Variants in EFCAB8 observed in about 807,000 individuals in gnomAD.
EFCAB8 encodes the protein EF-hand calcium-binding domain-containing protein 8.
A neutral mutation model predicts 116.3 loss-of-function variants in EFCAB8; 100 were observed. The ratio of observed to expected loss-of-function variants is 0.86; its 90% CI spans 0.73 to 1.02. The LOEUF is 1.02. Ranked by LOEUF, EFCAB8 falls within the 50% of genes least tolerant of loss-of-function variation. The pLI, the probability that EFCAB8 is intolerant of heterozygous loss-of-function variation, is 0.00. For synonymous variants in EFCAB8, 558 were observed against 567.9 expected, an observed-to-expected ratio of 0.98 and a Z score of 0.25; for missense variants, 1,320 against 1,416.9, an observed-to-expected ratio of 0.93 and a Z score of 1.10.
At chr20:32,927,070 T>C (rs1279823593) in intron 20 of EFCAB8, among the ~76,000 whole-genome samples, 1 of 152,194 alleles carries the variant, frequency 6.6e-6, no homozygotes, top group Non-Finnish European at 1.5e-5. Context: ...CTAGGTTTTT[T>C]GGAGCCTAAA....
chr20:32,903,369 T>A (rs904722412), intron 11 of EFCAB8: 25 of 152,466 alleles, frequency 1.6e-4, no homozygotes, highest in African/African-American at 5.8e-4. Flanking sequence ...AGCCATGTGC[T>A]TATGTCCCTT....
chr20:32,955,512 C>T (rs1988938423), intron 23 of EFCAB8, among the ~76,000 whole-genome samples: 1 of 152,092 alleles, frequency 6.6e-6, no homozygotes, highest in East Asian at 1.9e-4. Context: ...TGTACTCCAG[C>T]TTGGGGAACA....
At position 32,918,549 on chromosome 20, in the gene EFCAB8, A is replaced by G; in HGVS notation, c.2249A>G (p.Glu750Gly). The G allele has an allele frequency of 6.4e-7, 1 of 1,551,634 alleles. No homozygotes were observed. Among genetic ancestry groups the G allele is most frequent in the Non-Finnish European group, 8.7e-7 (1 of 1,146,972 alleles). The change falls in exon 19 of 27, where the codon GAG becomes GGG. Residue 750 changes from glutamate (E) to glycine (G), a missense_variant. Physicochemically the swap from Glu to Gly is moderately conservative, Grantham distance 98. Coordinates refer to ENST00000400522, the MANE Select transcript of EFCAB8 (RefSeq NM_001143967.2). ...GTGATGCGGTGCCCGAGAGACAAGG[A>G]GCCAGACAGGCCTGTGCCCCAGCAG... is the stretch of plus-strand genomic sequence containing the variant. ...PPVMRCPRDK[E>G]PDRPVPQQKP...
chr20:32,864,555 T>G (rs562576660), intron 2 of EFCAB8, among the ~76,000 whole-genome samples: 338 of 152,248 alleles, frequency 2.2e-3, no homozygotes, highest in Non-Finnish European at 3.9e-3. Context: ...GCACTTATCC[T>G]GGGCAACAGA....
chr20:32,932,781 T>A (rs1421676327), intron 22 of EFCAB8, among the ~76,000 whole-genome samples: 3 of 152,260 alleles, frequency 2.0e-5, no homozygotes, highest in Admixed American at 2.0e-4. Context: ...AAGGCATTTC[T>A]GTAGGAGATG....
In EFCAB8 at chr20:32,931,290, A is replaced by G. The variant is rs1455196999; in HGVS notation, c.2744A>G (p.Gln915Arg). The part of the protein sequence containing the change: ...HNKFRLLIPQ[Q>R]LGTNFPHYIP... ...AAGTTCCGGTTGTTAATTCCTCAGC[A>G]ACTTGGGACCAACTTCCCACACTAC... is the stretch of plus-strand genomic sequence containing the variant. The change falls in exon 22 of 27, where the codon CAA (glutamine) becomes CGA (arginine). Residue 915 changes from glutamine to arginine, a missense_variant. By Grantham distance (43) the Gln-to-Arg change is conservative (BLOSUM62 1). Transcript: ENST00000400522. 1 of 1,551,558 alleles carries G rather than the reference A, an allele frequency of 6.4e-7. No homozygotes were observed. The highest frequency in any genetic ancestry group is 2.0e-5 in the Admixed American group (1 of 50,974).
chr20:32,922,815 C>CTCTCTCTCTCTCTGTA (rs1987514249), intron 20 of EFCAB8, among the ~76,000 whole-genome samples: 1 of 151,092 alleles, frequency 6.6e-6, no homozygotes, highest in Non-Finnish European at 1.5e-5. Flanking sequence ...ATGAGTACTT[C>CTCTCTCTCTCTCTGTA]TCTCTCTCTC....
intron 1 of EFCAB8, among the ~76,000 whole-genome samples, chr20:32,862,020 G>T (rs562993249): frequency 1.3e-5 from 2 of 151,974 alleles, no homozygotes; most frequent in Non-Finnish European, 2.9e-5. Flanking sequence ...ACTTTGTAGC[G>T]TCCCATTCTC....
At chr20:32,922,600 G>A (rs891804749) in intron 20 of EFCAB8, among the ~76,000 whole-genome samples, 1 of 152,198 alleles carries the variant, frequency 6.6e-6, no homozygotes, top group East Asian at 1.9e-4. Flanking sequence ...CGGGAAGATG[G>A]CAGGGAGAAC....
At chr20:32,942,016 G>T (rs1005126733) in intron 22 of EFCAB8, among the ~76,000 whole-genome samples, 3 of 151,972 alleles carry the variant, frequency 2.0e-5, no homozygotes, top group African/African-American at 7.3e-5. Flanking sequence ...TCACTTTAAG[G>T]CCTTTAATGT....
chr20:32,916,894 G>T, intron 17 of EFCAB8, among the ~76,000 whole-genome samples: 1 of 152,136 alleles, frequency 6.6e-6, no homozygotes, highest in East Asian at 1.9e-4. Context: ...AATCTGAAGC[G>T]TGAGAAGGAA....
At chr20:32,946,076 G>A (rs1988587411) in intron 23 of EFCAB8, among the ~76,000 whole-genome samples, 1 of 152,210 alleles carries the variant, frequency 6.6e-6, no homozygotes, top group African/African-American at 2.4e-5. Flanking sequence ...GGAGAAGCTG[G>A]AAGTTGGGTT....
Position 32,912,443 on chromosome 20 carries a change from AAAGAAG to A in EFCAB8, c.1786-342_1786-337del, listed in dbSNP as rs1377368296. Among the ~76,000 whole-genome samples, 6 of 130,174 alleles carry A rather than the reference AAAGAAG, an allele frequency of 4.6e-5. 2 individuals carry two copies. The highest frequency in any genetic ancestry group is 3.3e-5 in the Non-Finnish European group (2 of 60,742). The allele number at this position is 130,174 out of a possible 152,430, so 85.4% of individuals were successfully genotyped here. On this transcript the variant is annotated intron_variant, in intron 16 of 26. Transcript: ENST00000400522. ...GTGAAACTCTGTCAAAAAAAAAAAA[AAAGAAG>A]AAGAAGAAAGAAAGTGTACTTAGCC...
At chr20:32,892,707 G>A (rs1985975182) in intron 8 of EFCAB8, among the ~76,000 whole-genome samples, 1 of 152,170 alleles carries the variant, frequency 6.6e-6, no homozygotes, top group Non-Finnish European at 1.5e-5. Context: ...GGTCTCCTGG[G>A]CCCGTGTTTG....
chr20:32,934,635 C>A (rs1388536808), intron 22 of EFCAB8, among the ~76,000 whole-genome samples: 3 of 152,156 alleles, frequency 2.0e-5, no homozygotes, highest in Non-Finnish European at 4.4e-5. Context: ...TGGGAGGGAC[C>A]TGGTGGGAGG....
At position 32,938,526 on chromosome 20, in the gene EFCAB8, A is replaced by G. The variant is rs112572809; in HGVS notation, c.2791-5110A>G. Among the ~76,000 whole-genome samples the G allele has an allele frequency of 2.2e-3, 337 of 149,918 alleles. 23 individuals carry two copies. The highest frequency in any genetic ancestry group is 8.0e-3 in the African/African-American group (325 of 40,440). Reference sequence around the variant, plus strand: ...AACTATCTCTATCTGCAGATGACATAATCTTATATCTAGAAAATCCTAAAT... The same window carrying G: ...AACTATCTCTATCTGCAGATGACATGATCTTATATCTAGAAAATCCTAAAT... On this transcript the variant is annotated intron_variant, in intron 22 of 26. Coordinates refer to ENST00000400522, the MANE Select transcript of EFCAB8 (RefSeq NM_001143967.2).
At position 32,925,708 on chromosome 20, in the gene EFCAB8, A is replaced by G. The variant is rs560808671; in HGVS notation, c.2413-4690A>G. Among the ~76,000 whole-genome samples the G allele has an allele frequency of 1.2e-4, 19 of 152,350 alleles. No individual in the cohort carries two copies. The South Asian group carries it at 3.7e-3, about 30-fold the overall frequency. ...CTGGCCATCTCCCCAGTAGGGAAGG[A>G]CCAGATGGCACGCAGTAGAAAATTG... On this transcript the variant is annotated intron_variant, in intron 20 of 26. Coordinates refer to ENST00000400522, the MANE Select transcript of EFCAB8 (RefSeq NM_001143967.2).
chr20:32,958,273 G>A, intron 23 of EFCAB8, 148 bp from the exon 24 acceptor site: 1 of 391,434 alleles, frequency 2.6e-6, no homozygotes. Context: ...GTCGTGCCTG[G>A]TGTATGGTGG....
At chr20:32,900,770 A>G (rs1021514075) in intron 11 of EFCAB8, among the ~76,000 whole-genome samples, 3 of 151,890 alleles carry the variant, frequency 2.0e-5, no homozygotes, top group Non-Finnish European at 2.9e-5. Context: ...GGGTTTCACC[A>G]TGTTGTCCAG....
Sources: allele counts gnomAD v4.1 joint callset (sites outside exome capture counted in the v4.1 genomes callset), GRCh38; gene constraint gnomAD v4.1.1; transcripts MANE v1.5; gene names NCBI Gene and HGNC (gene_info 2026-07-23, HGNC 2026-07-21).